The following RTCA variants were observed in gnomAD, a reference collection of about 807,000 sequenced individuals.
The protein encoded by RTCA is RNA terminal phosphate cyclase domain 1.
Under a neutral mutation model 46.1 loss-of-function variants are expected in RTCA, and 37 were observed. That is an observed-to-expected ratio of 0.80 (90% confidence interval 0.62 to 1.06). The LOEUF (loss-of-function observed/expected upper bound fraction) is 1.06, where lower values mean the gene tolerates loss of function less well. RTCA is among the 50% of genes least tolerant of loss of function. The pLI is 0.00. For synonymous variants in RTCA, 164 were observed against 158.3 expected (o/e 1.04, Z -0.27); for missense variants, 435 against 455.5 (o/e 0.95, Z 0.41).
chr1:100,270,814 TC>T, intron 4 of RTCA, 134 bp downstream of exon 4: 3 of 1,138,566 alleles, frequency 2.6e-6, no homozygotes, highest in East Asian at 2.5e-5. Flanking sequence ...TTTCTTTCTT[TC>T]TTTTTTTTTT....
intron 4 of RTCA, among the ~76,000 whole-genome samples, chr1:100,271,744 A>AT (rs1413623705): frequency 6.6e-6 from 1 of 152,146 alleles, no homozygotes; most frequent in Non-Finnish European, 1.5e-5. Context: ...CAGTTCTGTG[A>AT]TTTTTGACAG....
At chr1:100,279,392 A>G (rs1666565607) in intron 8 of RTCA, among the ~76,000 whole-genome samples, 1 of 152,216 alleles carries the variant, frequency 6.6e-6, no homozygotes, top group Admixed American at 6.5e-5. Flanking sequence ...GCCTTCTGCC[A>G]TTTAATGGTC....
At chr1:100,266,751 CA>C in intron 2 of RTCA, 127 bp downstream of exon 2, 1 of 739,686 alleles carries the variant, frequency 1.4e-6, no homozygotes. Flanking sequence ...ATGGGCGATC[CA>C]GGGCGGGGCA....
rs1317113429 is a variant in RTCA, at chr1:100,292,733, T to G, written c.*1229T>G. The G allele has an allele frequency of 3.3e-5, 5 of 152,268 alleles. No individual in the cohort carries two copies. The highest frequency in any genetic ancestry group is 1.2e-4 in the African/African-American group (5 of 41,470). The allele number at this position is 152,268 out of a possible 1,614,324, so 9.4% of individuals were successfully genotyped here. A position where few individuals can be genotyped will look rare whatever the true frequency, so the allele number is the denominator to read the frequency against. ...CCCAGATATGTTTTTGTTTGGCTTG[T>G]GTTATTAACAAATAAATGAGTGTCT... On this transcript the variant is annotated 3_prime_UTR_variant, in exon 11 of 11. Coordinates refer to ENST00000370128, the MANE Select transcript of RTCA (RefSeq NM_003729.4).
chr1:100,275,423 AAAAT>A (rs1399245565), intron 6 of RTCA, among the ~76,000 whole-genome samples, 172 bp from the exon 7 acceptor site: 2 of 152,272 alleles, frequency 1.3e-5, no homozygotes, highest in Non-Finnish European at 2.9e-5. Context: ...TTAATTAACA[AAAAT>A]AAAATTAATT....
At chr1:100,280,736 G>A (rs7515020) in intron 8 of RTCA, among the ~76,000 whole-genome samples, 1 of 152,176 alleles carries the variant, frequency 6.6e-6, no homozygotes, top group Non-Finnish European at 1.5e-5. Flanking sequence ...GTGTGGTGGC[G>A]TATGCCTGTA....
At chr1:100,275,238 G>A (rs1429856995) in intron 6 of RTCA, among the ~76,000 whole-genome samples, 1 of 152,140 alleles carries the variant, frequency 6.6e-6, no homozygotes, top group Non-Finnish European at 1.5e-5. Flanking sequence ...CTAATGGGAG[G>A]AGGGTGGAAG....
chr1:100,268,877 G>A (rs1375648160), intron 3 of RTCA, among the ~76,000 whole-genome samples: 1 of 151,956 alleles, frequency 6.6e-6, no homozygotes, highest in African/African-American at 2.4e-5. Flanking sequence ...TTTGGAGAAG[G>A]GAGATAATGG....
At chr1:100,266,898 C>T (rs1665812759) in intron 2 of RTCA, 1 of 463,524 alleles carries the variant, frequency 2.2e-6, no homozygotes, top group Non-Finnish European at 3.9e-6. Context: ...GTTTTCTCAC[C>T]TCACCGGGCA....
At chr1:100,283,687 C>T (rs955652131) in intron 8 of RTCA, among the ~76,000 whole-genome samples, 4 of 151,908 alleles carry the variant, frequency 2.6e-5, no homozygotes, top group Non-Finnish European at 5.9e-5. Context: ...AACAAGAAGT[C>T]AAGATTCACA....
chr1:100,280,334 T>C (rs994732945), intron 8 of RTCA, among the ~76,000 whole-genome samples: 3 of 152,204 alleles, frequency 2.0e-5, no homozygotes, highest in Non-Finnish European at 2.9e-5. Flanking sequence ...ATGGAATTTT[T>C]TTACCAGGCC....
chr1:100,266,496 T>C, intron 1 of RTCA, 28 bp from the exon 2 acceptor site: 2 of 1,610,210 alleles, frequency 1.2e-6, no homozygotes, highest in Non-Finnish European at 1.7e-6. Flanking sequence ...TGCTTACTTC[T>C]CTTCTCCCTG....
intron 8 of RTCA, among the ~76,000 whole-genome samples, chr1:100,281,547 T>TA (rs1666706261): frequency 6.6e-6 from 1 of 152,222 alleles, no homozygotes; most frequent in Non-Finnish European, 1.5e-5. Flanking sequence ...ACTCTTATCT[T>TA]ACAGTTAGTT....
rs570093820 is a variant in RTCA, at chr1:100,280,236, G to T, written c.799+2920G>T. On this transcript the variant is annotated intron_variant, in intron 8 of 10. Transcript: ENST00000370128. ...TATTTACCTCTTGTGAATATACGGG[G>T]TAGAGTTAGTTTGCCAGGGTAGATG... Among the ~76,000 whole-genome samples, 448 of 152,330 alleles carry T rather than the reference G, an allele frequency of 2.9e-3. 2 individuals carry two copies. The highest frequency in any genetic ancestry group is 0.01 in the African/African-American group (419 of 41,574).
chr1:100,266,383 G>A lies in RTCA; in HGVS notation c.8G>A (p.Gly3Glu). 1 of 1,611,916 alleles carries A rather than the reference G, an allele frequency of 6.2e-7. No individual in the cohort carries two copies. ...GGCCCCAGGGTGTCCCCCATGGCGG[G>A]GCCGCGGGTGGAGGTCGATGGCAGC... MA[G>E]PRVEVDGSIM... Residue 3 changes from glycine to glutamate, a missense_variant, in exon 1 of 11, where the codon GGG (glycine) becomes GAG (glutamate). Transcript: ENST00000370128.
chr1:100,287,715 A>G (rs866904905), intron 10 of RTCA, among the ~76,000 whole-genome samples: 1 of 152,098 alleles, frequency 6.6e-6, no homozygotes, highest in Non-Finnish European at 1.5e-5. Flanking sequence ...TCTGAAATTT[A>G]GTAGAGTTGA....
Position 100,291,566 on chromosome 1 carries a change from A to G in RTCA, c.*62A>G. 2.0e-6 allele frequency: 2 copies of G among 1,006,062 alleles called. No individual in the cohort carries two copies. The allele number at this position is 1,006,062 out of a possible 1,614,324, so 62.3% of individuals were successfully genotyped here. On this transcript the variant is annotated 3_prime_UTR_variant, in exon 11 of 11. Coordinates refer to ENST00000370128, the MANE Select transcript of RTCA (RefSeq NM_003729.4). ...TGCACTATTTCATAAATACTATAAAATAATGACTAGGAAGTAACTTATTAA... is the reference window on the plus strand; with the variant it reads ...TGCACTATTTCATAAATACTATAAAGTAATGACTAGGAAGTAACTTATTAA...
intron 3 of RTCA, among the ~76,000 whole-genome samples, chr1:100,269,929 A>G (rs1665993607): frequency 6.6e-6 from 1 of 152,198 alleles, no homozygotes; most frequent in Non-Finnish European, 1.5e-5. Flanking sequence ...GAGTGAGAAC[A>G]TGCAGCGTTT....
rs780261275 is a variant in RTCA, at chr1:100,273,452, G to A, written c.473G>A (p.Arg158Lys). 4 of 1,564,570 alleles carry A rather than the reference G, an allele frequency of 2.6e-6. No homozygotes were observed. The highest frequency in any genetic ancestry group is 1.2e-5 in the South Asian group (1 of 84,428). ...ATATTTAATTGTGACATTAAAACAA[G>A]GTAAGTTGCTTGTTTCTTAAATGTT... ...GFIFNCDIKT[R>K]GYYPKGGGEV... Residue 158 changes from arginine to lysine, a missense_variant and splice_region_variant, in exon 5 of 11, where the codon AGG becomes AAG. Transcript: ENST00000370128.
Sources: gnomAD v4.1 joint callset for allele counts (sites outside exome capture counted in the v4.1 genomes callset) on GRCh38, gnomAD v4.1.1 for gene constraint, MANE v1.5 for transcripts, NCBI Gene and HGNC (gene_info 2026-07-23, HGNC 2026-07-21) for gene names.